ATPAF2: variants seen among roughly 807,000 people sequenced by gnomAD.
The protein encoded by ATPAF2 is ATP12 homolog.
Under a neutral mutation model 36.6 loss-of-function variants are expected in ATPAF2, and 30 were observed. The ratio of observed to expected loss-of-function variants is 0.82; its 90% CI spans 0.61 to 1.11. ATPAF2 has a LOEUF of 1.11. Among genes scored for constraint, ATPAF2 ranks in the 50% most tolerant of loss-of-function variants. The pLI, the probability that ATPAF2 is intolerant of heterozygous loss-of-function variation, is 0.00. For synonymous variants in ATPAF2, 140 were observed against 152.6 expected, an observed-to-expected ratio of 0.92 and a Z score of 0.61; for missense variants, 321 against 372.3, an observed-to-expected ratio of 0.86 and a Z score of 1.13.
At chr17:18,034,463 C>G (rs2044678203) in intron 1 of ATPAF2, among the ~76,000 whole-genome samples, 1 of 152,048 alleles carries the variant, frequency 6.6e-6, no homozygotes, top group Non-Finnish European at 1.5e-5. Context: ...AGAAAATATA[C>G]AAATAGCCAT....
At chr17:18,037,577 C>T (rs1483261595) in intron 1 of ATPAF2, among the ~76,000 whole-genome samples, 3 of 151,720 alleles carry the variant, frequency 2.0e-5, no homozygotes, top group South Asian at 2.1e-4. Flanking sequence ...GAGGAGACTC[C>T]GTCTCAAAAA....
chr17:18,028,085 C>T (rs2044573560), intron 3 of ATPAF2, 147 bp downstream of exon 3: 3 of 917,854 alleles, frequency 3.3e-6, no homozygotes, highest in South Asian at 1.3e-5. Context: ...GAGTTTAGCA[C>T]GTTAGTGACT....
chr17:18,034,888 T>C (rs2044683767), intron 1 of ATPAF2, among the ~76,000 whole-genome samples: 1 of 152,232 alleles, frequency 6.6e-6, no homozygotes, highest in Non-Finnish European at 1.5e-5. Flanking sequence ...TACAATGGAA[T>C]ATTGTTTGGC....
rs1338063925 is a variant in ATPAF2, at chr17:18,018,238, T to C, written c.*311A>G. The C allele has an allele frequency of 2.4e-6, 1 of 424,296 alleles. No individual in the cohort carries two copies. The highest frequency in any genetic ancestry group is 2.0e-5 in the African/African-American group (1 of 49,350). 26.3% of individuals were successfully genotyped at this position (424,296 alleles called of 1,614,324 possible). On this transcript the variant is annotated 3_prime_UTR_variant, in exon 8 of 8. Coordinates refer to ENST00000474627, the MANE Select transcript of ATPAF2 (RefSeq NM_145691.4). ...GGAAGAATGGAGAAGTGCAGAGGCATACGTGAAAACAGGGCTCAGCACATT... is the reference window on the plus strand; with the variant it reads ...GGAAGAATGGAGAAGTGCAGAGGCACACGTGAAAACAGGGCTCAGCACATT...
chr17:18,024,963 T>A, intron 4 of ATPAF2: 1 of 507,264 alleles, frequency 2.0e-6, no homozygotes, highest in Non-Finnish European at 3.6e-6. Flanking sequence ...AGCAATCTGT[T>A]TTAACAAGCC....
At chr17:18,025,074 T>A (rs1388131072) in intron 4 of ATPAF2, 1 of 355,868 alleles carries the variant, frequency 2.8e-6, no homozygotes, top group African/African-American at 2.1e-5. Context: ...ACTGCCATCC[T>A]AAAGCAGATC....
At chr17:18,019,586 T>C (rs1185988221) in intron 7 of ATPAF2, among the ~76,000 whole-genome samples, 1 of 152,224 alleles carries the variant, frequency 6.6e-6, no homozygotes, top group Non-Finnish European at 1.5e-5. Flanking sequence ...TGTCTGGAGC[T>C]CTAAAAACAA....
chr17:18,024,277 G>C (rs1426038904), intron 5 of ATPAF2, among the ~76,000 whole-genome samples: 1 of 152,202 alleles, frequency 6.6e-6, no homozygotes, highest in Non-Finnish European at 1.5e-5. Flanking sequence ...TCACACAGCT[G>C]AGTCTTCAGC....
In ATPAF2 at chr17:18,035,557, T is replaced by TA. The variant is rs145454918; in HGVS notation, c.133+3323dup. 5.3e-3 allele frequency among the ~76,000 whole-genome samples: 811 copies of TA among 152,322 alleles called. 5 individuals are homozygous for TA. The highest frequency in any genetic ancestry group is 0.031 in the East Asian group (161 of 5,190). On this transcript the variant is annotated intron_variant, in intron 1 of 7. Coordinates refer to ENST00000474627, the MANE Select transcript of ATPAF2 (RefSeq NM_145691.4). ...CAAGTAAATATCTCAATAAAGCTGTTAAAAAAATCCTTCAGGCCAAATGTA... is the reference window on the plus strand; with the variant it reads ...CAAGTAAATATCTCAATAAAGCTGTTAAAAAAAATCCTTCAGGCCAAATGTA...
chr17:18,018,305 A>G lies in ATPAF2; in HGVS notation c.*244T>C, dbSNP rs572153529. On this transcript the variant is annotated 3_prime_UTR_variant, in exon 8 of 8. Coordinates refer to ENST00000474627, the MANE Select transcript of ATPAF2 (RefSeq NM_145691.4). ...ATTTAATAAAATCAGAGTCGAGAGA[A>G]AGTCACTTGCACAATTCATCTCCTA... is the stretch of plus-strand genomic sequence containing the variant. 3.1e-5 allele frequency: 18 copies of G among 574,954 alleles called. No homozygotes were observed. Among genetic ancestry groups the G allele is most frequent in the Non-Finnish European group, 5.0e-5 (16 of 321,480 alleles). 35.6% of individuals were successfully genotyped at this position (574,954 alleles called of 1,614,324 possible).
chr17:18,019,374 A>G (rs2044435768), intron 7 of ATPAF2, among the ~76,000 whole-genome samples: 1 of 152,194 alleles, frequency 6.6e-6, no homozygotes, highest in Admixed American at 6.5e-5. Context: ...CCCTTCTCCT[A>G]CACTTCCTCC....
Position 18,024,713 on chromosome 17 carries a change from T to C in ATPAF2, c.423-9A>G, listed in dbSNP as rs951562142. 3 of 1,609,968 alleles carry C rather than the reference T, an allele frequency of 1.9e-6. No individual in the cohort carries two copies. The highest frequency in any genetic ancestry group is 1.7e-5 in the Admixed American group (1 of 60,014). On this transcript the variant is annotated splice_polypyrimidine_tract_variant and intron_variant, in intron 4 of 7. Transcript: ENST00000474627. ...GCTCCTCCACCCTGTAGCTAATTCA[T>C]TGTAAAAATAACCTTCATTAATAAA...
intron 1 of ATPAF2, among the ~76,000 whole-genome samples, chr17:18,035,285 A>G (rs2044688954): frequency 6.6e-6 from 1 of 152,210 alleles, no homozygotes; most frequent in Admixed American, 6.5e-5. Flanking sequence ...GCTAAGTGAA[A>G]AAGTCAGTCA....
chr17:18,021,473 T>C (rs1388677610), intron 6 of ATPAF2: 13 of 633,962 alleles, frequency 2.1e-5, no homozygotes, highest in Non-Finnish European at 3.4e-5. Flanking sequence ...CCGCACCCAG[T>C]CTAGTGATTG....
chr17:18,024,641 G>C lies in ATPAF2; in HGVS notation c.486C>G (p.Ile162Met), dbSNP rs142623242. ...CATCTTACCTTTTCTCAGCCCATTCGATGATTGGATCCCACTCATTCCTTT... is the reference window on the plus strand; with the variant it reads ...CATCTTACCTTTTCTCAGCCCATTCCATGATTGGATCCCACTCATTCCTTT... Reference protein sequence around the residue: ...ELQRNEWDPIIEWAEKRYGVE... With the variant: ...ELQRNEWDPIMEWAEKRYGVE... Residue 162 changes from isoleucine to methionine, a missense_variant, in exon 5 of 8, where the codon ATC (isoleucine) becomes ATG (methionine). Ile to Met is a conservative substitution (Grantham distance 10). Coordinates refer to ENST00000474627, the MANE Select transcript of ATPAF2 (RefSeq NM_145691.4). 2 of 1,613,696 alleles carry C rather than the reference G, an allele frequency of 1.2e-6. No individual in the cohort carries two copies. Among genetic ancestry groups the C allele is most frequent in the African/African-American group, 2.7e-5 (2 of 74,870 alleles).
At chr17:18,029,926 C>A (rs2044603512) in intron 1 of ATPAF2, among the ~76,000 whole-genome samples, 1 of 146,846 alleles carries the variant, frequency 6.8e-6, no homozygotes, top group Non-Finnish European at 1.5e-5. Context: ...GTGGCTCATG[C>A]CTATAATCCT....
At chr17:18,021,434 A>G (rs1003414390) in intron 6 of ATPAF2, 196 bp from the exon 7 acceptor site, 3 of 659,340 alleles carry the variant, frequency 4.5e-6, no homozygotes, top group Admixed American at 2.2e-5. Flanking sequence ...AGTGAGACAC[A>G]TGACCCGAAC....
At chr17:18,033,714 G>A (rs2044668558) in intron 1 of ATPAF2, among the ~76,000 whole-genome samples, 1 of 152,128 alleles carries the variant, frequency 6.6e-6, no homozygotes, top group Non-Finnish European at 1.5e-5. Context: ...CCTTAAAGGT[G>A]AAATTCTAAC....
downstream of ATPAF2, among the ~76,000 whole-genome samples, chr17:18,017,767 A>G (rs957975839): frequency 1.3e-5 from 2 of 151,622 alleles, no homozygotes; most frequent in Non-Finnish European, 2.9e-5. Context: ...CCTGAGAACC[A>G]CTCTTCCCCC....
Sources: allele counts gnomAD v4.1 joint callset (sites outside exome capture counted in the v4.1 genomes callset), GRCh38; gene constraint gnomAD v4.1.1; transcripts MANE v1.5; gene names NCBI Gene and HGNC (gene_info 2026-07-23, HGNC 2026-07-21).